The following EBI3 variants were observed in gnomAD, a reference collection of about 807,000 sequenced individuals.
The protein encoded by EBI3 is Epstein-Barr virus induced 3.
A neutral mutation model predicts 21.3 loss-of-function variants in EBI3; 19 were observed. That is an observed-to-expected ratio of 0.89 (90% CI 0.62 to 1.31). The LOEUF is 1.31. Ranked by LOEUF, EBI3 falls within the 50% of genes most tolerant of loss-of-function variation. EBI3 has a pLI of 0.00. For synonymous variants in EBI3, 154 were observed against 131.2 expected (o/e 1.17, Z -1.19); for missense variants, 331 against 314.0 (o/e 1.05, Z -0.41).
chr19:4,230,336 G>A (rs753717843), intron 1 of EBI3, among the ~76,000 whole-genome samples: 8 of 149,806 alleles, frequency 5.3e-5, no homozygotes, highest in Admixed American at 1.3e-4. Flanking sequence ...AGGCCAGGGC[G>A]TGAGGATCGT....
chr19:4,236,770 G>A (rs1970841989), intron 4 of EBI3, among the ~76,000 whole-genome samples, 166 bp from the exon 5 acceptor site: 1 of 152,128 alleles, frequency 6.6e-6, no homozygotes, highest in Non-Finnish European at 1.5e-5. Flanking sequence ...GGGATTGGGA[G>A]GAGCCCATGA....
Position 4,236,991 on chromosome 19 carries a change from G to C in EBI3, c.593G>C (p.Arg198Thr), listed in dbSNP as rs756332530. 5 of 1,581,168 alleles carry C rather than the reference G, an allele frequency of 3.2e-6. No homozygotes were observed. Among genetic ancestry groups the C allele is most frequent in the Middle Eastern group, 3.4e-4 (2 of 5,966 alleles). The change falls in exon 5 of 5, where the codon AGG becomes ACG. Residue 198 changes from arginine (R) to threonine (T), a missense_variant. By Grantham distance (71) the Arg-to-Thr change is moderately conservative. Transcript: ENST00000221847. ...FILRAVRPRARYYVQVAAQDL... is the reference protein window; with the variant it reads ...FILRAVRPRATYYVQVAAQDL... ...CTCAGGGCTGTGCGGCCCCGAGCCAGGTACTACGTCCAAGTGGCGGCTCAG... is the reference window on the plus strand; with the variant it reads ...CTCAGGGCTGTGCGGCCCCGAGCCACGTACTACGTCCAAGTGGCGGCTCAG...
rs1970849858 is a variant in EBI3, at chr19:4,237,334, AC to A, written c.*247del. On this transcript the variant is annotated 3_prime_UTR_variant, in exon 5 of 5. Transcript: ENST00000221847. ...TTTACCACAGTGCAGGGCTGACTGAACTGTCACTGTGAGATATTTTTTATTG... is the reference window on the plus strand; with the variant it reads ...TTTACCACAGTGCAGGGCTGACTGAATGTCACTGTGAGATATTTTTTATTG... 1 of 341,448 alleles carries A rather than the reference AC, an allele frequency of 2.9e-6. No homozygotes were observed. The highest frequency in any genetic ancestry group is 2.1e-5 in the African/African-American group (1 of 47,188). The allele number at this position is 341,448 out of a possible 1,614,324, so 21.2% of individuals were successfully genotyped here. A position where few individuals can be genotyped will look rare whatever the true frequency, so the allele number is the denominator to read the frequency against.
chr19:4,234,077 G>A (rs943182310), intron 3 of EBI3, among the ~76,000 whole-genome samples: 5 of 152,136 alleles, frequency 3.3e-5, no homozygotes, highest in African/African-American at 9.7e-5. Context: ...ATAGTGGCAG[G>A]TGCCTGTAAT....
intron 3 of EBI3, 41 bp downstream of exon 3, chr19:4,233,348 T>A (rs756491565): frequency 3.9e-6 from 6 of 1,530,386 alleles, no homozygotes; most frequent in Non-Finnish European, 5.3e-6. Flanking sequence ...GGGGCTGCCG[T>A]CTCCTTCCAG....
intron 2 of EBI3, among the ~76,000 whole-genome samples, chr19:4,232,784 GA>G (rs1291584334): frequency 2.2e-5 from 3 of 134,740 alleles, no homozygotes; most frequent in African/African-American, 1.1e-4. Context: ...ATTAATGAAT[GA>G]ATGAAGGAAT....
Position 4,233,279 on chromosome 19 carries a change from C to A in EBI3, c.351C>A (p.Ser117Arg). 1 of 1,548,020 alleles carries A rather than the reference C, an allele frequency of 6.5e-7. No individual in the cohort carries two copies. The highest frequency in any genetic ancestry group is 8.8e-7 in the Non-Finnish European group (1 of 1,139,858). The change falls in exon 3 of 5, where the codon AGC becomes AGA. Residue 117 changes from serine (S) to arginine (R), a missense_variant. Transcript: ENST00000221847. Reference protein sequence around the residue: ...TAVHPWGSSSSFVPFITEHII... With the variant: ...TAVHPWGSSSRFVPFITEHII... Reference sequence around the variant, plus strand: ...TCCACCCCTGGGGCTCCAGCAGCAGCTTCGTGCCTTTCATAACAGAGCACA... The same window carrying A: ...TCCACCCCTGGGGCTCCAGCAGCAGATTCGTGCCTTTCATAACAGAGCACA...
intron 4 of EBI3, among the ~76,000 whole-genome samples, chr19:4,235,219 A>G (rs1317384981): frequency 2.0e-5 from 3 of 151,024 alleles, no homozygotes; most frequent in African/African-American, 4.9e-5. Flanking sequence ...GGGTTTCATC[A>G]TGTTGGCCAG....
chr19:4,229,860 GAGCTACACAGACAT>G (rs967140093), intron 1 of EBI3, among the ~76,000 whole-genome samples: 11 of 152,156 alleles, frequency 7.2e-5, no homozygotes, highest in East Asian at 1.9e-4. Flanking sequence ...GGTATCCATA[GAGCTACACAGACAT>G]AGCTACACAG....
In EBI3 at chr19:4,237,157, G is replaced by C; in HGVS notation, c.*69G>C. ...ACCCTAAGCCCCGGGACACCTGTTG[G>C]AGGGCGGATGGGATCTGCCTAGCCT... On this transcript the variant is annotated 3_prime_UTR_variant, in exon 5 of 5. Transcript: ENST00000221847. 1 of 1,401,686 alleles carries C rather than the reference G, an allele frequency of 7.1e-7. No homozygotes were observed. Among genetic ancestry groups the C allele is most frequent in the Non-Finnish European group, 9.3e-7 (1 of 1,070,822 alleles). 86.8% of individuals were successfully genotyped at this position (1,401,686 alleles called of 1,614,324 possible). A position where few individuals can be genotyped will look rare whatever the true frequency, so the allele number is the denominator to read the frequency against.
chr19:4,235,048 A>G (rs1337327587), intron 4 of EBI3, among the ~76,000 whole-genome samples: 1 of 152,118 alleles, frequency 6.6e-6, no homozygotes, highest in East Asian at 1.9e-4. Flanking sequence ...TTGTTTTGAG[A>G]CAGAGTCTCG....
Position 4,231,177 on chromosome 19 carries a change from C to A in EBI3, c.68-14C>A. ...GGGGTAAACCAGAAGCTCACTCTTT[C>A]TGTCTTCCTCCAGGGCCCCCAGCAG... On this transcript the variant is annotated splice_polypyrimidine_tract_variant and intron_variant, in intron 1 of 4. Transcript: ENST00000221847. The A allele has an allele frequency of 6.4e-7, 1 of 1,563,130 alleles. No individual in the cohort carries two copies. Among genetic ancestry groups the A allele is most frequent in the Non-Finnish European group, 8.6e-7 (1 of 1,157,474 alleles).
chr19:4,234,172 T>C (rs187846696), intron 3 of EBI3, among the ~76,000 whole-genome samples: 18 of 152,238 alleles, frequency 1.2e-4, no homozygotes, highest in Admixed American at 1.1e-3. Context: ...TGCCACTGCA[T>C]TCCAGCCTGG....
At position 4,237,009 on chromosome 19, in the gene EBI3, C is replaced by T. The variant is rs758205945; in HGVS notation, c.611C>T (p.Ala204Val). The T allele has an allele frequency of 2.8e-5, 44 of 1,580,606 alleles. 1 individual carries two copies. In the South Asian group the frequency reaches 2.9e-4, roughly 11 times the overall value. ...RPRARYYVQV[A>V]AQDLTDYGEL... Reference sequence around the variant, plus strand: ...CGAGCCAGGTACTACGTCCAAGTGGCGGCTCAGGACCTCACAGACTACGGG... The same window carrying T: ...CGAGCCAGGTACTACGTCCAAGTGGTGGCTCAGGACCTCACAGACTACGGG... Residue 204 changes from alanine (A) to valine (V), a missense_variant, in exon 5 of 5, where the codon GCG becomes GTG. By Grantham distance (64) the Ala-to-Val change is moderately conservative. Coordinates refer to ENST00000221847, the MANE Select transcript of EBI3 (RefSeq NM_005755.3).
Position 4,229,618 on chromosome 19 carries a change from G to C in EBI3, c.67+1G>C. 1 of 1,606,368 alleles carries C rather than the reference G, an allele frequency of 6.2e-7. No individual in the cohort carries two copies. Among genetic ancestry groups the C allele is most frequent in the Non-Finnish European group, 8.5e-7 (1 of 1,176,906 alleles). ...TGCCCGCCCTGCAGTGGAAGGAAAG[G>C]TATGTGGGGCCCCTGGGGGACTGGG... On this transcript the variant is annotated splice_donor_variant, in intron 1 of 4. Transcript: ENST00000221847. LOFTEE classifies it high-confidence loss of function.
chr19:4,231,965 G>A (rs758736034), intron 2 of EBI3, among the ~76,000 whole-genome samples: 13 of 151,620 alleles, frequency 8.6e-5, no homozygotes, highest in Admixed American at 1.3e-4. Context: ...GGTGGCTCAC[G>A]CCTGTAATCC....
intron 1 of EBI3, 31 bp downstream of exon 1, chr19:4,229,648 C>T (rs1367371146): frequency 2.5e-6 from 4 of 1,582,838 alleles, no homozygotes; most frequent in South Asian, 2.3e-5. Context: ...ACTGGGGGGC[C>T]CAGGCAGACG....
intron 2 of EBI3, among the ~76,000 whole-genome samples, chr19:4,232,096 G>A (rs1042186596): frequency 6.0e-5 from 9 of 150,246 alleles, no homozygotes; most frequent in African/African-American, 2.0e-4. Flanking sequence ...GTGATGGCAC[G>A]CGCCTGTAGT....
Position 4,229,996 on chromosome 19 carries a change from A to T in EBI3, c.67+379A>T, listed in dbSNP as rs191529588. ...GAGTACAGTGGCACCATCTCAGCTC[A>T]CTGAAACCTCCATCTCCTGGGTTCA... is the stretch of plus-strand genomic sequence containing the variant. On this transcript the variant is annotated intron_variant, in intron 1 of 4. Transcript: ENST00000221847. Among the ~76,000 whole-genome samples the T allele has an allele frequency of 6.6e-5, 10 of 152,138 alleles. No individual in the cohort carries two copies. In the East Asian group the frequency reaches 1.9e-3, roughly 29 times the overall value.
Sources: allele counts gnomAD v4.1 joint callset (sites outside exome capture counted in the v4.1 genomes callset), GRCh38; gene constraint gnomAD v4.1.1; transcripts MANE v1.5; gene names NCBI Gene and HGNC (gene_info 2026-07-23, HGNC 2026-07-21).